Variants in ARSB observed in about 807,000 individuals in gnomAD.
ARSB encodes arylsulfatase B, also known as N-acetylgalactosamine-4-sulfatase.
In ARSB, 41 loss-of-function variants were observed where a neutral mutation model predicts 50.9. The ratio of observed to expected loss-of-function variants is 0.81; its 90% CI spans 0.63 to 1.04. ARSB has a LOEUF of 1.04. Ranked by LOEUF, ARSB falls within the 50% of genes least tolerant of loss-of-function variation. The pLI is 0.00. For synonymous variants in ARSB, 269 were observed against 284.8 expected, an observed-to-expected ratio of 0.94 and a Z score of 0.56; for missense variants, 672 against 693.3, an observed-to-expected ratio of 0.97 and a Z score of 0.35.
At chr5:78,929,601 G>T (rs1172176866) in intron 4 of ARSB, among the ~76,000 whole-genome samples, 1 of 151,972 alleles carries the variant, frequency 6.6e-6, no homozygotes, top group Non-Finnish European at 1.5e-5. Context: ...AAACAGCCTG[G>T]CCCACATAGC....
chr5:78,879,499 C>G (rs1747644422), intron 5 of ARSB, among the ~76,000 whole-genome samples: 1 of 152,220 alleles, frequency 6.6e-6, no homozygotes, highest in African/African-American at 2.4e-5. Flanking sequence ...TGTAACTATA[C>G]AGCTAATAAA....
chr5:78,938,809 G>T (rs1441503905), intron 4 of ARSB, among the ~76,000 whole-genome samples: 3 of 152,174 alleles, frequency 2.0e-5, no homozygotes, highest in African/African-American at 7.2e-5. Context: ...TATTGTGAAA[G>T]CTCAGATAAT....
At chr5:78,803,639 C>T (rs1016082272) in intron 6 of ARSB, among the ~76,000 whole-genome samples, 2 of 152,170 alleles carry the variant, frequency 1.3e-5, no homozygotes, top group Admixed American at 6.5e-5. Context: ...CTGGTCTCCT[C>T]GGCTGGAGGG....
intron 6 of ARSB, among the ~76,000 whole-genome samples, chr5:78,801,849 C>G (rs1025883263): frequency 6.6e-6 from 1 of 152,010 alleles, no homozygotes; most frequent in African/African-American, 2.4e-5. Context: ...CTCCAAGACA[C>G]TGCTTTGAAC....
intron 4 of ARSB, among the ~76,000 whole-genome samples, chr5:78,888,486 G>T (rs367790556): frequency 1.3e-5 from 2 of 152,230 alleles, no homozygotes; most frequent in Non-Finnish European, 2.9e-5. Flanking sequence ...TCACTCTGTT[G>T]TCTGGATTGC....
Position 78,828,645 on chromosome 5 carries a change from G to A in ARSB, c.1213+10711C>T, listed in dbSNP as rs1744541853. On this transcript the variant is annotated intron_variant, in intron 6 of 7. Transcript: ENST00000264914. ...TTATCTGATTTTCTTTTAACTTTTT[G>A]TATGTTCTTGTTCTCTCCAACTAGG... is the stretch of plus-strand genomic sequence containing the variant. Among the ~76,000 whole-genome samples the A allele has an allele frequency of 1.3e-5, 2 of 152,222 alleles. 1 individual carries two copies. The highest frequency in any genetic ancestry group is 4.1e-4 in the South Asian group (2 of 4,826).
At chr5:78,800,678 G>GAATCTCTACTT (rs1206979546) in intron 6 of ARSB, among the ~76,000 whole-genome samples, 1 of 152,188 alleles carries the variant, frequency 6.6e-6, no homozygotes, top group African/African-American at 2.4e-5. Flanking sequence ...CTCTACTTAA[G>GAATCTCTACTT]AAGCTTAGAA....
At chr5:78,860,399 T>C (rs1746375446) in intron 5 of ARSB, among the ~76,000 whole-genome samples, 1 of 152,172 alleles carries the variant, frequency 6.6e-6, no homozygotes, top group African/African-American at 2.4e-5. Flanking sequence ...ACAGAAATTA[T>C]AACAAACTGT....
intron 4 of ARSB, among the ~76,000 whole-genome samples, chr5:78,921,236 C>T (rs909933966): frequency 6.6e-6 from 1 of 152,252 alleles, no homozygotes; most frequent in Middle Eastern, 3.4e-3. Context: ...CTCCAATGAC[C>T]ACCAACCATC....
intron 5 of ARSB, among the ~76,000 whole-genome samples, chr5:78,872,937 G>C (rs577097884): frequency 1.7e-3 from 256 of 151,958 alleles, no homozygotes; most frequent in African/African-American, 6.1e-3. Context: ...CACTCCTACG[G>C]ATTGCCTGCT....
chr5:78,831,313 C>T (rs1268777926), intron 6 of ARSB, among the ~76,000 whole-genome samples: 2 of 151,920 alleles, frequency 1.3e-5, no homozygotes, highest in Non-Finnish European at 2.9e-5. Flanking sequence ...GGTGACACTG[C>T]CCACCCCACA....
chr5:78,946,534 A>G (rs1382673693), intron 4 of ARSB, among the ~76,000 whole-genome samples: 1 of 152,216 alleles, frequency 6.6e-6, no homozygotes, highest in Non-Finnish European at 1.5e-5. Flanking sequence ...AAAATAAGAT[A>G]CCTAGGAATA....
At chr5:78,928,393 G>A (rs575310485) in intron 4 of ARSB, among the ~76,000 whole-genome samples, 2 of 122,868 alleles carry the variant, frequency 1.6e-5, no homozygotes, top group East Asian at 5.6e-4. Context: ...TCAGCTCACT[G>A]CAATCTCCGC....
At chr5:78,798,289 T>C (rs539370462) in intron 6 of ARSB, among the ~76,000 whole-genome samples, 16 of 152,208 alleles carry the variant, frequency 1.1e-4, no homozygotes, top group South Asian at 4.2e-4. Flanking sequence ...AGGGCCACCA[T>C]TGAATTCACA....
intron 4 of ARSB, among the ~76,000 whole-genome samples, chr5:78,897,936 C>A (rs1748643137): frequency 6.6e-6 from 1 of 151,934 alleles, no homozygotes. Context: ...AACGTACATG[C>A]CCTATACCCA....
At position 78,781,941 on chromosome 5, in the gene ARSB, T is replaced by A. The variant is rs780926335; in HGVS notation, c.1247A>T (p.Asp416Val). The A allele has an allele frequency of 2.2e-5, 36 of 1,614,010 alleles. No individual in the cohort carries two copies. Among genetic ancestry groups the A allele is most frequent in the Non-Finnish European group, 3.1e-5 (36 of 1,179,958 alleles). ...PRNSMAPAKD[D>V]SSLPEYSAFN... ...GGCTGAATATTCTGGAAGAGAAGAG[T>A]CATCCTTTGCTGGAGCCATGCTGTT... Residue 416 changes from aspartate (D) to valine (V), a missense_variant, in exon 7 of 8, where the codon GAC (aspartate) becomes GTC (valine). Transcript: ENST00000264914.
chr5:78,781,644 A>T (rs1748929207), intron 7 of ARSB, among the ~76,000 whole-genome samples: 1 of 152,172 alleles, frequency 6.6e-6, no homozygotes, highest in Non-Finnish European at 1.5e-5. Flanking sequence ...AAGTGAGGTA[A>T]GTGGTAGGGC....
chr5:78,953,612 A>G (rs73771321), intron 4 of ARSB, among the ~76,000 whole-genome samples: 1,623 of 152,286 alleles, frequency 0.011, 32 homozygotes, highest in African/African-American at 0.037. Flanking sequence ...GAATTCCTCA[A>G]CATGTCACCT....
chr5:78,963,045 G>A (rs1244095421), intron 3 of ARSB, among the ~76,000 whole-genome samples: 1 of 152,164 alleles, frequency 6.6e-6, no homozygotes, highest in Non-Finnish European at 1.5e-5. Flanking sequence ...TCCCCAGTGG[G>A]AGCCTAATGG....
Sources: allele counts gnomAD v4.1 joint callset (sites outside exome capture counted in the v4.1 genomes callset), GRCh38; gene constraint gnomAD v4.1.1; transcripts MANE v1.5; gene names NCBI Gene and HGNC (gene_info 2026-07-23, HGNC 2026-07-21).